Variants in FAM222B observed in about 807,000 individuals in gnomAD.
FAM222B encodes the protein protein FAM222B.
In FAM222B, 12 loss-of-function variants were observed where a neutral mutation model predicts 38.0. The ratio of observed to expected loss-of-function variants is 0.32; its 90% CI spans 0.20 to 0.51. FAM222B has a LOEUF of 0.51. FAM222B is among the 20% of genes least tolerant of loss of function. The pLI, the probability that FAM222B is intolerant of heterozygous loss-of-function variation, is 0.97. For synonymous variants in FAM222B, 329 were observed against 317.2 expected (o/e 1.04, Z -0.40); for missense variants, 716 against 754.2 (o/e 0.95, Z 0.59).
Position 28,758,649 on chromosome 17 carries a change from C to G in FAM222B, c.1310G>C (p.Gly437Ala). 1.2e-6 allele frequency: 2 copies of G among 1,610,434 alleles called. No homozygotes were observed. Among genetic ancestry groups the G allele is most frequent in the East Asian group, 2.2e-5 (1 of 44,790 alleles). ...GGGGTAGGCCAATGGGGCTGCCATG[C>G]CGTTGACTGGTGGGGATGGGGTCGG... ...EKPTPSPPVN[G>A]MAAPLAYPNG... Residue 437 changes from glycine to alanine, a missense_variant, in exon 3 of 3, where the codon GGC becomes GCC. By Grantham distance (60) the Gly-to-Ala change is moderately conservative. Transcript: ENST00000581407.
At chr17:28,850,598 G>A (rs1044676467) in intron 1 of FAM222B, among the ~76,000 whole-genome samples, 2 of 151,942 alleles carry the variant, frequency 1.3e-5, no homozygotes, top group African/African-American at 4.8e-5. Flanking sequence ...GCGCCCGGCC[G>A]GCCACATGAG....
intron 1 of FAM222B, among the ~76,000 whole-genome samples, chr17:28,818,421 G>T (rs1203281909): frequency 6.6e-6 from 1 of 151,812 alleles, no homozygotes; most frequent in East Asian, 1.9e-4. Flanking sequence ...CCAGCTACTT[G>T]GGAGGCTGAG....
intron 1 of FAM222B, among the ~76,000 whole-genome samples, chr17:28,821,024 C>T (rs1259578906): frequency 2.0e-5 from 3 of 150,846 alleles, no homozygotes; most frequent in Non-Finnish European, 4.4e-5. Flanking sequence ...AGTGCAATCT[C>T]GGCTCACTGC....
intron 1 of FAM222B, among the ~76,000 whole-genome samples, chr17:28,821,700 G>A (rs954589513): frequency 8.5e-5 from 13 of 152,126 alleles, no homozygotes; most frequent in African/African-American, 2.2e-4. Flanking sequence ...GGTGGCTCAT[G>A]CCTGTAATAC....
intron 1 of FAM222B, among the ~76,000 whole-genome samples, chr17:28,806,744 A>C (rs1213319248): frequency 1.3e-5 from 2 of 152,198 alleles, no homozygotes; most frequent in African/African-American, 4.8e-5. Context: ...GAAAGATAAA[A>C]AAAGCCTCTC....
At chr17:28,822,833 A>ATG (rs1491121519) in intron 1 of FAM222B, among the ~76,000 whole-genome samples, 1 of 40,998 alleles carries the variant, frequency 2.4e-5, no homozygotes. Flanking sequence ...AAAAAAAAAA[A>ATG]TATATATATA....
chr17:28,809,352 C>CA (rs146580054), intron 1 of FAM222B, among the ~76,000 whole-genome samples: 7,328 of 62,640 alleles, frequency 0.12, 250 homozygotes, highest in Middle Eastern at 0.16. Flanking sequence ...GACTCCGTCT[C>CA]AAAAAAAAAA....
intron 1 of FAM222B, among the ~76,000 whole-genome samples, chr17:28,805,672 G>A (rs1210815885): frequency 6.6e-6 from 1 of 151,596 alleles, no homozygotes; most frequent in African/African-American, 2.4e-5. Context: ...GAAAGAAAGA[G>A]AAACACAAAA....
intron 1 of FAM222B, among the ~76,000 whole-genome samples, chr17:28,789,043 G>A (rs1200943927): frequency 2.3e-5 from 3 of 128,088 alleles, no homozygotes; most frequent in Admixed American, 9.4e-5. Flanking sequence ...AAGCCACAGC[G>A]CCCGGCCTTG....
intron 1 of FAM222B, among the ~76,000 whole-genome samples, chr17:28,789,951 C>T (rs966248921): frequency 2.0e-5 from 3 of 152,152 alleles, no homozygotes; most frequent in African/African-American, 7.2e-5. Context: ...TACCAGAATA[C>T]AACAGTTGTG....
Position 28,757,226 on chromosome 17 carries a change from A to G in FAM222B, c.*1044T>C, listed in dbSNP as rs190392190. 7.9e-5 allele frequency: 12 copies of G among 152,624 alleles called. No homozygotes were observed. Among genetic ancestry groups the G allele is most frequent in the Non-Finnish European group, 1.5e-4 (10 of 68,006 alleles). The allele number at this position is 152,624 out of a possible 1,614,324, so 9.5% of individuals were successfully genotyped here. A position where few individuals can be genotyped will look rare whatever the true frequency, so the allele number is the denominator to read the frequency against. Reference sequence around the variant, plus strand: ...TGTTTGTTTTTTTTTCCTTCATTAAACTGAGGGGCTGCACTAGAGGGTGAA... The same window carrying G: ...TGTTTGTTTTTTTTTCCTTCATTAAGCTGAGGGGCTGCACTAGAGGGTGAA... On this transcript the variant is annotated 3_prime_UTR_variant, in exon 3 of 3. Transcript: ENST00000581407.
intron 1 of FAM222B, among the ~76,000 whole-genome samples, chr17:28,852,146 T>G (rs2039186405): frequency 6.6e-6 from 1 of 151,768 alleles, no homozygotes; most frequent in East Asian, 1.9e-4. Flanking sequence ...GGCGGGTGGA[T>G]CACGAGGTCA....
At chr17:28,824,659 T>C (rs2038374431) in intron 1 of FAM222B, among the ~76,000 whole-genome samples, 1 of 152,210 alleles carries the variant, frequency 6.6e-6, no homozygotes, top group Admixed American at 6.5e-5. Context: ...TTCCAAAAGA[T>C]ATGCCAAATC....
chr17:28,825,211 T>C (rs1026719745), intron 1 of FAM222B, among the ~76,000 whole-genome samples: 3 of 151,950 alleles, frequency 2.0e-5, no homozygotes, highest in Non-Finnish European at 4.4e-5. Flanking sequence ...AGCAGGTGAA[T>C]TGCCTGAGCT....
intron 1 of FAM222B, among the ~76,000 whole-genome samples, chr17:28,833,088 T>C (rs1049635119): frequency 2.2e-4 from 33 of 149,450 alleles, no homozygotes; most frequent in African/African-American, 7.2e-4. Flanking sequence ...TTTGGGAGGC[T>C]GAGGCAGGCG....
intron 1 of FAM222B, among the ~76,000 whole-genome samples, chr17:28,791,675 A>T (rs1335739762): frequency 8.6e-6 from 1 of 116,858 alleles, no homozygotes; most frequent in African/African-American, 3.3e-5. Context: ...GAGCCCAGGA[A>T]TTTTTTTTTT....
At chr17:28,793,128 G>T (rs1416447780) in intron 1 of FAM222B, among the ~76,000 whole-genome samples, 1 of 151,974 alleles carries the variant, frequency 6.6e-6, no homozygotes, top group Non-Finnish European at 1.5e-5. Flanking sequence ...TAGAGACAGG[G>T]TCTTACTATG....
At position 28,790,147 on chromosome 17, in the gene FAM222B, AGAT is replaced by A. The variant is rs564575629; in HGVS notation, c.-40-23443_-40-23441del. On this transcript the variant is annotated intron_variant, in intron 1 of 2. Transcript: ENST00000581407. ...TCTGAGCATCAAAATAAATAATAAAAGATGATATTTCATTGAATAAAACAAGAA... is the reference window on the plus strand; with the variant it reads ...TCTGAGCATCAAAATAAATAATAAAAGATATTTCATTGAATAAAACAAGAA... Among the ~76,000 whole-genome samples, 32 of 152,356 alleles carry A rather than the reference AGAT, an allele frequency of 2.1e-4. No individual in the cohort carries two copies. In the South Asian group the frequency reaches 2.9e-3, roughly 14 times the overall value.
chr17:28,775,905 C>CAAAAAAACA (rs1391198482), intron 1 of FAM222B, among the ~76,000 whole-genome samples: 7 of 147,136 alleles, frequency 4.8e-5, no homozygotes, highest in African/African-American at 1.8e-4. Context: ...AAAACAAAAA[C>CAAAAAAACA]AAAAAAACAA....
Sources: allele counts gnomAD v4.1 joint callset (sites outside exome capture counted in the v4.1 genomes callset), GRCh38; gene constraint gnomAD v4.1.1; transcripts MANE v1.5; gene names NCBI Gene and HGNC (gene_info 2026-07-23, HGNC 2026-07-21).